HECW1: variants seen among roughly 807,000 people sequenced by gnomAD.
HECW1 encodes the protein E3 ubiquitin-protein ligase HECW1.
Under a neutral mutation model 182.3 loss-of-function variants are expected in HECW1, and 61 were observed. That is an observed-to-expected ratio of 0.33 (90% CI 0.27 to 0.41). The LOEUF is 0.41. Among genes scored for constraint, HECW1 ranks in the 10% least tolerant of loss-of-function variants. The pLI, the probability that HECW1 is intolerant of heterozygous loss-of-function variation, is 1.00. For missense variants in HECW1, 1,739 were observed against 2,108.9 expected, an observed-to-expected ratio of 0.82 and a Z score of 3.44; for synonymous variants, 859 against 832.6, an observed-to-expected ratio of 1.03 and a Z score of -0.55.
At chr7:43,220,272 T>A (rs1333137865) in intron 2 of HECW1, among the ~76,000 whole-genome samples, 3 of 152,240 alleles carry the variant, frequency 2.0e-5, no homozygotes, top group Non-Finnish European at 4.4e-5. Flanking sequence ...GCACCTAGAA[T>A]GCAACGCTTC....
chr7:43,377,402 G>A (rs547917104), intron 6 of HECW1, among the ~76,000 whole-genome samples: 41 of 152,250 alleles, frequency 2.7e-4, no homozygotes, highest in Non-Finnish European at 5.3e-4. Flanking sequence ...TCAAGAGTTT[G>A]TGGTTCACTG....
rs151001958 is a variant in HECW1, at chr7:43,391,810, A to C, written c.556-5004A>C. Among the ~76,000 whole-genome samples the C allele has an allele frequency of 5.2e-4, 79 of 152,334 alleles. 2 individuals are homozygous for C. The East Asian group carries it at 8.5e-3, about 16-fold the overall frequency. ...AAACGTGGGTAAGGTGTGTTTACTTATCTACCATTTACTTGTTTGAACATC... is the reference window on the plus strand; with the variant it reads ...AAACGTGGGTAAGGTGTGTTTACTTCTCTACCATTTACTTGTTTGAACATC... On this transcript the variant is annotated intron_variant, in intron 6 of 29. Transcript: ENST00000395891.
chr7:43,338,464 C>A (rs1812564882), intron 5 of HECW1, among the ~76,000 whole-genome samples: 4 of 152,056 alleles, frequency 2.6e-5, no homozygotes, highest in Admixed American at 6.6e-5. Context: ...TATTCTTTAT[C>A]ATTTCCTTCT....
intron 8 of HECW1, among the ~76,000 whole-genome samples, chr7:43,422,936 G>GAGAGTCA (rs56128040): frequency 9.9e-5 from 15 of 152,050 alleles, no homozygotes; most frequent in Admixed American, 5.2e-4. Flanking sequence ...GCCGAGAGTC[G>GAGAGTCA]TGGTCTCCAG....
At chr7:43,550,698 G>T (rs2081784654) in intron 27 of HECW1, 107 bp downstream of exon 27, 7 of 1,161,012 alleles carry the variant, frequency 6.0e-6, no homozygotes, top group Non-Finnish European at 8.5e-6. Flanking sequence ...GGTGAAAACA[G>T]AGAGGGAGAG....
intron 6 of HECW1, among the ~76,000 whole-genome samples, chr7:43,392,971 A>T (rs565654640): frequency 1.3e-5 from 2 of 152,298 alleles, no homozygotes; most frequent in South Asian, 4.1e-4. Flanking sequence ...TTGTAGAGAG[A>T]AAATGAGAAT....
At chr7:43,274,244 C>T in intron 3 of HECW1, 1 of 702,616 alleles carries the variant, frequency 1.4e-6, no homozygotes, top group Non-Finnish European at 2.4e-6. Context: ...CCCTCTACTG[C>T]ATGCGAATCT....
Position 43,512,367 on chromosome 7 carries a change from G to A in HECW1, c.4019+3246G>A, listed in dbSNP as rs770740837. The stretch of plus-strand genomic sequence containing the variant: ...CAGAGATAAGCATAACCACAGACCC[G>A]AAATAAACATGGCAAACCAGGTCAG... On this transcript the variant is annotated intron_variant, in intron 24 of 29. Coordinates refer to ENST00000395891, the MANE Select transcript of HECW1 (RefSeq NM_015052.5). 1.1e-3 allele frequency among the ~76,000 whole-genome samples: 174 copies of A among 152,220 alleles called. 1 individual carries two copies. Among genetic ancestry groups the A allele is most frequent in the Admixed American group, 1.4e-3 (21 of 15,290 alleles).
In HECW1 at chr7:43,469,009, G is replaced by A; in HGVS notation, c.3003G>A (p.Gln1001=). The A allele has an allele frequency of 4.3e-6, 7 of 1,614,194 alleles. No individual in the cohort carries two copies. Among genetic ancestry groups the A allele is most frequent in the Non-Finnish European group, 5.9e-6 (7 of 1,180,042 alleles). The part of the protein sequence containing the change: ...RRDARNFERY[Q]HNRDLVNFIN... ...ATGCTCGCAATTTTGAACGCTACCA[G>A]CACAACCGGGACTTGGTGAATTTCA... Residue 1001 remains glutamine (Q), a synonymous_variant, in exon 16 of 30, where the codon CAG becomes CAA. Coordinates refer to ENST00000395891, the MANE Select transcript of HECW1 (RefSeq NM_015052.5).
chr7:43,468,872 T>A, intron 15 of HECW1, 48 bp from the exon 16 acceptor site: 1 of 1,568,666 alleles, frequency 6.4e-7, no homozygotes, highest in Non-Finnish European at 8.8e-7. Flanking sequence ...TGCTCTATGT[T>A]TTTCCTAATT....
intron 5 of HECW1, among the ~76,000 whole-genome samples, chr7:43,341,857 G>A (rs1813042447): frequency 1.3e-5 from 2 of 151,686 alleles, no homozygotes; most frequent in South Asian, 2.1e-4. Context: ...GATTTTTTCT[G>A]TTAGAGCCAT....
intron 6 of HECW1, among the ~76,000 whole-genome samples, chr7:43,370,373 G>A (rs1306499554): frequency 1.3e-5 from 2 of 152,232 alleles, no homozygotes; most frequent in African/African-American, 4.8e-5. Context: ...AGGATATGGA[G>A]CAACAGGAAC....
At chr7:43,269,274 T>A (rs1044264598) in intron 3 of HECW1, among the ~76,000 whole-genome samples, 3 of 152,250 alleles carry the variant, frequency 2.0e-5, no homozygotes, top group Non-Finnish European at 4.4e-5. Flanking sequence ...ACAGCACAGC[T>A]GGCATGTGCC....
chr7:43,358,085 G>C (rs923445057), intron 5 of HECW1, among the ~76,000 whole-genome samples: 2 of 152,062 alleles, frequency 1.3e-5, no homozygotes, highest in African/African-American at 4.8e-5. Flanking sequence ...AAATCTAGTA[G>C]TGCCCGTTTG....
chr7:43,247,424 G>T (rs913794089), intron 3 of HECW1, among the ~76,000 whole-genome samples: 1 of 152,154 alleles, frequency 6.6e-6, no homozygotes, highest in Non-Finnish European at 1.5e-5. Flanking sequence ...ATAGCGGGAG[G>T]ATAGCTTGAG....
In HECW1 at chr7:43,162,115, G is replaced by A. The variant is rs1427332532; in HGVS notation, c.-32+47724G>A. On this transcript the variant is annotated intron_variant, in intron 2 of 29. Transcript: ENST00000395891. ...AACATCAAGATCTATCCATTAGTGT[G>A]TCTTATCACTCTCAGCTACTTTTTT... Among the ~76,000 whole-genome samples, 3 of 152,334 alleles carry A rather than the reference G, an allele frequency of 2.0e-5. No homozygotes were observed. The East Asian group carries it at 5.8e-4, about 29-fold the overall frequency.
intron 24 of HECW1, among the ~76,000 whole-genome samples, chr7:43,540,335 A>G (rs895844934): frequency 5.3e-5 from 8 of 152,222 alleles, no homozygotes; most frequent in Admixed American, 2.6e-4. Context: ...TTATGAAAGT[A>G]GGTGCCAGAG....
chr7:43,345,327 G>T (rs1316230878), intron 5 of HECW1, among the ~76,000 whole-genome samples: 1 of 152,238 alleles, frequency 6.6e-6, no homozygotes, highest in Non-Finnish European at 1.5e-5. Flanking sequence ...ACTCAGGTGT[G>T]CAGCCTCTGT....
chr7:43,236,013 A>G (rs1022838601), intron 2 of HECW1, among the ~76,000 whole-genome samples: 1 of 152,012 alleles, frequency 6.6e-6, no homozygotes, highest in Non-Finnish European at 1.5e-5. Flanking sequence ...ACATAGTGAG[A>G]CTCCGTTTCT....
Sources: allele counts gnomAD v4.1 joint callset (sites outside exome capture counted in the v4.1 genomes callset), GRCh38; gene constraint gnomAD v4.1.1; transcripts MANE v1.5; gene names NCBI Gene and HGNC (gene_info 2026-07-23, HGNC 2026-07-21).